TMT1B: variants seen among roughly 807,000 people sequenced by gnomAD.
TMT1B encodes the protein thiol S-methyltransferase TMT1B.
chr12:55,682,235 C>G, the TMT1B span: 1 of 1,612,700 alleles, frequency 6.2e-7, no homozygotes, highest in Non-Finnish European at 8.5e-7. Flanking sequence ...GCAGGAGGTC[C>G]GGAGAGTACT....
the TMT1B span, chr12:55,681,868 C>T: frequency 1.2e-6 from 2 of 1,601,804 alleles, no homozygotes; most frequent in Non-Finnish European, 1.7e-6. Flanking sequence ...ACTTCCCCTA[C>T]CTGATGGCCG....
chr12:55,682,031 A>T, the TMT1B span: 1 of 1,614,278 alleles, frequency 6.2e-7, no homozygotes, highest in Non-Finnish European at 8.5e-7. Context: ...ACCGGGCTGC[A>T]GGGTCACCTG....
the TMT1B span, chr12:55,681,939 T>C: frequency 5.0e-6 from 8 of 1,614,144 alleles, no homozygotes; most frequent in Non-Finnish European, 6.8e-6. Flanking sequence ...TTCAGCCAGA[T>C]AAAGGGGCTT....
At chr12:55,682,281 G>C in the TMT1B span, 9 of 1,592,222 alleles carry the variant, frequency 5.7e-6, no homozygotes, top group African/African-American at 1.1e-4. Context: ...GGATGGGTGT[G>C]GGGCAGGCAA....
At chr12:55,682,425 T>C in the TMT1B span, among the ~76,000 whole-genome samples, 25,060 of 151,706 alleles carry the variant, frequency 0.17, 6,684 homozygotes, top group African/African-American at 0.56. Flanking sequence ...CGGGGCACAA[T>C]TGGGTGCTGT....
the TMT1B span, chr12:55,682,130 C>G: frequency 3.1e-6 from 5 of 1,614,086 alleles, no homozygotes; most frequent in Non-Finnish European, 4.2e-6. Flanking sequence ...TGTGGTGGCT[C>G]CTGGAGAGGA....
chr12:55,684,401 G>T, the TMT1B span: 22 of 269,270 alleles, frequency 8.2e-5, no homozygotes, highest in Admixed American at 2.0e-4. Context: ...TCCTCCTGAG[G>T]CTACACCCAT....
At chr12:55,683,629 C>T in the TMT1B span, among the ~76,000 whole-genome samples, 1 of 152,154 alleles carries the variant, frequency 6.6e-6, no homozygotes, top group Non-Finnish European at 1.5e-5. Context: ...TTATGAGGTT[C>T]TTCACATGCA....
the TMT1B span, chr12:55,683,796 T>C: frequency 1.2e-6 from 2 of 1,612,636 alleles, no homozygotes; most frequent in South Asian, 2.2e-5. Flanking sequence ...TGACACTAAC[T>C]CTCTCATCCC....
the TMT1B span, chr12:55,684,220 A>T: frequency 2.2e-5 from 14 of 634,088 alleles, no homozygotes; most frequent in South Asian, 2.7e-4. Context: ...GGCAATCTCT[A>T]ACTTCAATCC....
chr12:55,684,033 G>T, the TMT1B span: 1 of 1,613,278 alleles, frequency 6.2e-7, no homozygotes, highest in Non-Finnish European at 8.5e-7. Flanking sequence ...CACATCATGG[G>T]AAAGGCTGTC....
the TMT1B span, chr12:55,681,815 C>A: frequency 6.4e-7 from 1 of 1,556,688 alleles, no homozygotes; most frequent in South Asian, 1.2e-5. Flanking sequence ...GCCCCTGCAC[C>A]TCATGGCTCT....
the TMT1B span, among the ~76,000 whole-genome samples, chr12:55,683,443 C>A: frequency 6.6e-6 from 1 of 152,066 alleles, no homozygotes; most frequent in South Asian, 2.1e-4. Flanking sequence ...TGCAGTGCGC[C>A]GAGATCACGC....
chr12:55,683,121 G>T, the TMT1B span, among the ~76,000 whole-genome samples: 1 of 152,166 alleles, frequency 6.6e-6, no homozygotes, highest in African/African-American at 2.4e-5. Flanking sequence ...AGGTTTCCCT[G>T]GGATGTTCAC....
chr12:55,683,443 C>T, the TMT1B span, among the ~76,000 whole-genome samples: 5 of 152,066 alleles, frequency 3.3e-5, no homozygotes, highest in South Asian at 8.3e-4. Flanking sequence ...TGCAGTGCGC[C>T]GAGATCACGC....
At chr12:55,684,182 T>C in the TMT1B span, 1 of 780,480 alleles carries the variant, frequency 1.3e-6, no homozygotes, top group South Asian at 1.7e-5. Flanking sequence ...TACCACCTAC[T>C]AGTCCCTCTC....
chr12:55,683,570 G>A, the TMT1B span, among the ~76,000 whole-genome samples: 142 of 152,062 alleles, frequency 9.3e-4, no homozygotes, highest in Non-Finnish European at 1.7e-3. Context: ...GCATGCCCTC[G>A]GTTATTCTGG....
At chr12:55,682,427 G>C in the TMT1B span, among the ~76,000 whole-genome samples, 1 of 152,000 alleles carries the variant, frequency 6.6e-6, no homozygotes, top group Admixed American at 6.6e-5. Context: ...GGGCACAATT[G>C]GGTGCTGTGG....
At chr12:55,682,170 A>T in the TMT1B span, 1 of 1,613,676 alleles carries the variant, frequency 6.2e-7, no homozygotes, top group Non-Finnish European at 8.5e-7. Context: ...GGCTCCATGG[A>T]TGTGGTGGTC....
Sources: gnomAD v4.1 joint callset for allele counts (sites outside exome capture counted in the v4.1 genomes callset) on GRCh38, gnomAD v4.1.1 for gene constraint, MANE v1.5 for transcripts, NCBI Gene and HGNC (gene_info 2026-07-23, HGNC 2026-07-21) for gene names.